GABRB1: variants seen among roughly 807,000 people sequenced by gnomAD.
GABRB1 encodes gamma-aminobutyric acid type A receptor subunit beta1.
GABRB1 carries 17 observed loss-of-function variants against 51.6 expected under a neutral mutation model. The observed-to-expected ratio is 0.33, with a 90% CI of 0.23 to 0.49. GABRB1 has a LOEUF of 0.49. GABRB1 is among the 20% of genes least tolerant of loss of function. The probability of loss-of-function intolerance (pLI) is 0.99; values close to 1 mark genes in which losing one functional copy is unlikely to be tolerated. For missense variants in GABRB1, 410 were observed against 600.6 expected (o/e 0.68, Z 3.32); for synonymous variants, 247 against 218.9 (o/e 1.13, Z -1.14).
chr4:47,197,497 A>T (rs1719730261), intron 4 of GABRB1, among the ~76,000 whole-genome samples: 1 of 152,166 alleles, frequency 6.6e-6, no homozygotes, highest in Non-Finnish European at 1.5e-5. Context: ...ACTGAATCTG[A>T]TGGAGGAAAA....
At chr4:47,032,086 A>AAAAAT in intron 2 of GABRB1, 81 bp downstream of exon 2, 1 of 634,668 alleles carries the variant, frequency 1.6e-6, no homozygotes. Context: ...AAAAAAAAAA[A>AAAAAT]GAAAAGGCAT....
At chr4:47,119,481 CAGAT>C (rs1715658219) in intron 3 of GABRB1, among the ~76,000 whole-genome samples, 1 of 151,010 alleles carries the variant, frequency 6.6e-6, no homozygotes, top group Admixed American at 6.6e-5. Context: ...TCACAAAACT[CAGAT>C]TGACAAAACA....
At chr4:47,239,679 A>C (rs558382271) in intron 4 of GABRB1, among the ~76,000 whole-genome samples, 1 of 152,228 alleles carries the variant, frequency 6.6e-6, no homozygotes, top group East Asian at 1.9e-4. Context: ...TAGATTAAAC[A>C]AAAGTAAACT....
chr4:47,045,252 C>G lies in GABRB1; in HGVS notation c.240+12768C>G, dbSNP rs187054310. 1.6e-4 allele frequency among the ~76,000 whole-genome samples: 24 copies of G among 151,990 alleles called. 1 individual carries two copies. The highest frequency in any genetic ancestry group is 3.4e-3 in the Middle Eastern group (1 of 294). ...GTAAAACAACACTTTCCTAGGAAAC[C>G]CAGGATTTATGATTACAGTATGCCA... On this transcript the variant is annotated intron_variant, in intron 3 of 8. Coordinates refer to ENST00000295454, the MANE Select transcript of GABRB1 (RefSeq NM_000812.4).
chr4:47,059,965 T>G (rs749401620), intron 3 of GABRB1, among the ~76,000 whole-genome samples: 3 of 152,216 alleles, frequency 2.0e-5, no homozygotes, highest in Non-Finnish European at 2.9e-5. Context: ...TTATTTCTAA[T>G]TTCTGTCAGT....
At chr4:47,218,762 T>G (rs1720653363) in intron 4 of GABRB1, among the ~76,000 whole-genome samples, 1 of 151,858 alleles carries the variant, frequency 6.6e-6, no homozygotes, top group Admixed American at 6.6e-5. Context: ...GCTTATTGTG[T>G]TAAGTGTGCT....
chr4:47,137,830 T>G (rs1027086563), intron 3 of GABRB1, among the ~76,000 whole-genome samples: 1 of 152,132 alleles, frequency 6.6e-6, no homozygotes, highest in African/African-American at 2.4e-5. Flanking sequence ...TTTAGGGAAC[T>G]TTTTAAGCAA....
At chr4:47,081,576 T>C (rs1290042599) in intron 3 of GABRB1, among the ~76,000 whole-genome samples, 1 of 152,170 alleles carries the variant, frequency 6.6e-6, no homozygotes, top group Non-Finnish European at 1.5e-5. Flanking sequence ...TCAAGGATCA[T>C]GGTCTTATAC....
intron 4 of GABRB1, among the ~76,000 whole-genome samples, chr4:47,283,338 T>C: frequency 6.8e-6 from 1 of 147,446 alleles, no homozygotes; most frequent in East Asian, 2.0e-4. Flanking sequence ...CTAGGCAATG[T>C]TCCATACCTG....
intron 4 of GABRB1, among the ~76,000 whole-genome samples, chr4:47,282,311 A>G (rs554755180): frequency 6.6e-6 from 1 of 152,314 alleles, no homozygotes; most frequent in South Asian, 2.1e-4. Context: ...CCTGAAACAC[A>G]GCTCTCTCTG....
chr4:47,335,912 A>C (rs1400572216), intron 5 of GABRB1, among the ~76,000 whole-genome samples: 1 of 152,126 alleles, frequency 6.6e-6, no homozygotes, highest in East Asian at 1.9e-4. Context: ...GAAGATTTAA[A>C]CCTGGCAAAG....
At chr4:47,230,458 A>G (rs1040329205) in intron 4 of GABRB1, among the ~76,000 whole-genome samples, 8 of 152,180 alleles carry the variant, frequency 5.3e-5, no homozygotes, top group Admixed American at 5.2e-4. Context: ...TTGGGGAGCT[A>G]GAGCAGCAGG....
At chr4:47,215,909 A>G (rs1720535256) in intron 4 of GABRB1, among the ~76,000 whole-genome samples, 1 of 152,054 alleles carries the variant, frequency 6.6e-6, no homozygotes, top group African/African-American at 2.4e-5. Context: ...CTCCTCTGAA[A>G]TTATTCACAC....
At chr4:47,377,793 C>G in intron 5 of GABRB1, among the ~76,000 whole-genome samples, 1 of 152,098 alleles carries the variant, frequency 6.6e-6, no homozygotes, top group East Asian at 1.9e-4. Flanking sequence ...CAAGTCCCCA[C>G]CAGAGTAGCT....
intron 4 of GABRB1, among the ~76,000 whole-genome samples, chr4:47,259,533 T>A (rs2109875404): frequency 6.6e-6 from 1 of 152,204 alleles, no homozygotes; most frequent in South Asian, 2.1e-4. Context: ...ATCACCTTAG[T>A]TTTTTTGTTA....
At chr4:47,311,411 C>CAAAAAAAAAA (rs71276540) in intron 4 of GABRB1, among the ~76,000 whole-genome samples, 1 of 46,368 alleles carries the variant, frequency 2.2e-5, no homozygotes, top group Non-Finnish European at 4.6e-5. Flanking sequence ...GACTCTGTCT[C>CAAAAAAAAAA]AAAAAAAAAA....
intron 3 of GABRB1, among the ~76,000 whole-genome samples, chr4:47,049,760 G>A (rs1422629690): frequency 6.6e-6 from 1 of 152,136 alleles, no homozygotes; most frequent in East Asian, 1.9e-4. Context: ...AGGGTTTACT[G>A]CAGATGAACA....
intron 5 of GABRB1, among the ~76,000 whole-genome samples, chr4:47,350,216 T>TAGAGAGAGAGAGAGAG (rs1215848383): frequency 1.4e-4 from 10 of 73,812 alleles, no homozygotes; most frequent in African/African-American, 6.0e-4. Context: ...TATATATATA[T>TAGAGAGAGAGAGAGAG]ATAGAGAGAG....
intron 5 of GABRB1, among the ~76,000 whole-genome samples, chr4:47,358,709 C>T (rs1726681045): frequency 6.6e-6 from 1 of 152,130 alleles, no homozygotes; most frequent in Non-Finnish European, 1.5e-5. Flanking sequence ...CAGTCAGAAT[C>T]TGAAGTTAGA....
Sources: allele counts gnomAD v4.1 joint callset (sites outside exome capture counted in the v4.1 genomes callset), GRCh38; gene constraint gnomAD v4.1.1; transcripts MANE v1.5; gene names NCBI Gene and HGNC (gene_info 2026-07-23, HGNC 2026-07-21).